MGAT5: variants seen among roughly 807,000 people sequenced by gnomAD.
MGAT5 encodes alpha-1,6-mannosylglycoprotein 6-beta-N-acetylglucosaminyltransferase A.
Under a neutral mutation model 94.3 loss-of-function variants are expected in MGAT5, and 30 were observed. The observed-to-expected ratio is 0.32, with a 90% CI of 0.24 to 0.43. The LOEUF is 0.43. Ranked by LOEUF, MGAT5 falls within the 20% of genes least tolerant of loss-of-function variation. The pLI is 1.00. For missense variants in MGAT5, 691 were observed against 905.5 expected, an observed-to-expected ratio of 0.76 and a Z score of 3.04; for synonymous variants, 310 against 322.9, an observed-to-expected ratio of 0.96 and a Z score of 0.43.
chr2:134,237,952 T>C (rs1306376097), intron 1 of MGAT5, among the ~76,000 whole-genome samples: 3 of 152,148 alleles, frequency 2.0e-5, no homozygotes, highest in Non-Finnish European at 4.4e-5. Context: ...TGTTTCACCA[T>C]GTTGGCCAGG....
At chr2:134,131,167 C>A (rs972461774) in intron 1 of MGAT5, among the ~76,000 whole-genome samples, 1 of 152,218 alleles carries the variant, frequency 6.6e-6, no homozygotes, top group Non-Finnish European at 1.5e-5. Context: ...GCTCACAAAC[C>A]CACCAGAAGG....
At chr2:134,411,133 C>T (rs1054968207) in intron 11 of MGAT5, among the ~76,000 whole-genome samples, 6 of 152,196 alleles carry the variant, frequency 3.9e-5, no homozygotes, top group African/African-American at 1.4e-4. Context: ...AGATCTCCCC[C>T]ACCCCTGAGC....
chr2:134,432,753 C>T (rs1684953907), intron 14 of MGAT5, among the ~76,000 whole-genome samples: 1 of 152,188 alleles, frequency 6.6e-6, no homozygotes, highest in South Asian at 2.1e-4. Context: ...GCTCTTTCCT[C>T]TTCTGAGAAA....
At chr2:134,307,403 A>G (rs1336381469) in intron 2 of MGAT5, among the ~76,000 whole-genome samples, 1 of 151,840 alleles carries the variant, frequency 6.6e-6, no homozygotes, top group Non-Finnish European at 1.5e-5. Context: ...ACAAAATGTG[A>G]CTTTCATTCC....
At chr2:134,382,713 G>A (rs1681711242) in intron 10 of MGAT5, among the ~76,000 whole-genome samples, 2 of 152,314 alleles carry the variant, frequency 1.3e-5, no homozygotes, top group South Asian at 4.1e-4. Context: ...ACTTCTCAAA[G>A]TCCTGGTTGC....
At chr2:134,301,357 AAGT>A (rs1208858885) in intron 2 of MGAT5, among the ~76,000 whole-genome samples, 3 of 152,180 alleles carry the variant, frequency 2.0e-5, no homozygotes, top group African/African-American at 7.2e-5. Context: ...CTTTTTTTCT[AAGT>A]AGTAGATTCT....
chr2:134,424,347 C>T (rs1403302240), intron 13 of MGAT5, among the ~76,000 whole-genome samples: 1 of 152,240 alleles, frequency 6.6e-6, no homozygotes, highest in Middle Eastern at 3.4e-3. Context: ...GAGGGCACTC[C>T]GATGCATTAT....
chr2:134,312,029 C>T (rs763025236), intron 2 of MGAT5, among the ~76,000 whole-genome samples: 1 of 152,084 alleles, frequency 6.6e-6, no homozygotes, highest in Non-Finnish European at 1.5e-5. Flanking sequence ...GCAGATGGAT[C>T]GATTGAGGCC....
chr2:134,261,663 A>C (rs1448347056), intron 1 of MGAT5, among the ~76,000 whole-genome samples: 1 of 152,246 alleles, frequency 6.6e-6, no homozygotes, highest in Non-Finnish European at 1.5e-5. Context: ...GCTACTTAGC[A>C]TCAAGTATTT....
Position 134,452,813 on chromosome 2 carries a change from C to T in MGAT5, c.*3966C>T, listed in dbSNP as rs1686174152. 1 of 152,178 alleles carries T rather than the reference C, an allele frequency of 6.6e-6. No homozygotes were observed. Among genetic ancestry groups the T allele is most frequent in the African/African-American group, 2.4e-5 (1 of 41,442 alleles). The allele number at this position is 152,178 out of a possible 1,614,324, so 9.4% of individuals were successfully genotyped here. A position where few individuals can be genotyped will look rare whatever the true frequency, so the allele number is the denominator to read the frequency against. ...GGCTTTATTCTAATCCCATCCATCC[C>T]TGTGGAGCTGCAGAGCATCTTCATG... On this transcript the variant is annotated 3_prime_UTR_variant, in exon 16 of 16. Coordinates refer to ENST00000281923, the MANE Select transcript of MGAT5 (RefSeq NM_002410.5).
intron 2 of MGAT5, among the ~76,000 whole-genome samples, chr2:134,286,580 C>T (rs996171662): frequency 2.0e-5 from 3 of 151,962 alleles, no homozygotes; most frequent in African/African-American, 7.3e-5. Flanking sequence ...TACAGGCACC[C>T]AGCTAATTTT....
intron 1 of MGAT5, among the ~76,000 whole-genome samples, chr2:134,180,725 A>AT (rs1207661484): frequency 6.6e-6 from 1 of 152,210 alleles, no homozygotes; most frequent in Non-Finnish European, 1.5e-5. Context: ...GAGAAAGCAC[A>AT]TAATGTTAGA....
intron 6 of MGAT5, among the ~76,000 whole-genome samples, chr2:134,338,653 G>A (rs1688465223): frequency 1.1e-5 from 1 of 89,124 alleles, no homozygotes; most frequent in Admixed American, 1.4e-4. Context: ...ATATCTGCCT[G>A]TAAGACTTTT....
At chr2:134,442,153 G>A (rs779706518) in intron 15 of MGAT5, among the ~76,000 whole-genome samples, 18 of 152,182 alleles carry the variant, frequency 1.2e-4, no homozygotes, top group Admixed American at 2.0e-4. Flanking sequence ...TTAAATGGGA[G>A]TGTTGTATTT....
intron 6 of MGAT5, among the ~76,000 whole-genome samples, chr2:134,341,090 T>C (rs1342063099): frequency 6.6e-6 from 1 of 152,178 alleles, no homozygotes; most frequent in Non-Finnish European, 1.5e-5. Context: ...AGAATTTGTT[T>C]TGAGATAATC....
At chr2:134,376,331 C>T (rs1204257195) in intron 10 of MGAT5, among the ~76,000 whole-genome samples, 1 of 152,180 alleles carries the variant, frequency 6.6e-6, no homozygotes, top group Non-Finnish European at 1.5e-5. Flanking sequence ...CACTTCTCCT[C>T]CTTCCTCTTC....
chr2:134,365,988 C>T (rs919430678), intron 10 of MGAT5, among the ~76,000 whole-genome samples: 4 of 151,976 alleles, frequency 2.6e-5, no homozygotes, highest in African/African-American at 9.7e-5. Flanking sequence ...GGAATCTTGC[C>T]GTCAGACTCC....
chr2:134,350,588 T>C (rs1573888451), intron 9 of MGAT5, among the ~76,000 whole-genome samples: 1 of 152,288 alleles, frequency 6.6e-6, no homozygotes, highest in East Asian at 1.9e-4. Flanking sequence ...CTCTTAGACA[T>C]TTTCTGTTTC....
Position 134,441,935 on chromosome 2 carries a change from G to A in MGAT5, c.2027+20G>A, listed in dbSNP as rs1233933726. The A allele has an allele frequency of 2.5e-6, 4 of 1,608,264 alleles. No homozygotes were observed. The highest frequency in any genetic ancestry group is 3.4e-6 in the Non-Finnish European group (4 of 1,175,682). ...GCTGAAGTAAGTGCCCTGGGGTGGG[G>A]GTGGGGACTCAGCCCCTAGACTCCA... is the stretch of plus-strand genomic sequence containing the variant. On this transcript the variant is annotated intron_variant, in intron 15 of 15. Transcript: ENST00000281923.
Sources: gnomAD v4.1 joint callset for allele counts (sites outside exome capture counted in the v4.1 genomes callset) on GRCh38, gnomAD v4.1.1 for gene constraint, MANE v1.5 for transcripts, NCBI Gene and HGNC (gene_info 2026-07-23, HGNC 2026-07-21) for gene names.